The following BTBD7 variants were observed in gnomAD, a reference collection of about 807,000 sequenced individuals.
BTBD7 encodes the protein BTB/POZ domain-containing protein 7.
Under a neutral mutation model 99.9 loss-of-function variants are expected in BTBD7, and 38 were observed. The ratio of observed to expected loss-of-function variants is 0.38; its 90% CI spans 0.29 to 0.50. The LOEUF (loss-of-function observed/expected upper bound fraction) is 0.50, where lower values mean the gene tolerates loss of function less well. BTBD7 is among the 20% of genes least tolerant of loss of function. BTBD7 has a pLI of 0.93. For synonymous variants in BTBD7, 520 were observed against 511.4 expected (o/e 1.02, Z -0.23); for missense variants, 1,170 against 1,394.6 (o/e 0.84, Z 2.57).
At chr14:93,276,610 G>T (rs1192906109) in intron 3 of BTBD7, among the ~76,000 whole-genome samples, 2 of 152,170 alleles carry the variant, frequency 1.3e-5, no homozygotes, top group Non-Finnish European at 2.9e-5. Context: ...GTGAATACTG[G>T]AAATGAGAAG....
intron 1 of BTBD7, among the ~76,000 whole-genome samples, chr14:93,314,208 G>T (rs1420579691): frequency 6.6e-6 from 1 of 152,158 alleles, no homozygotes; most frequent in Non-Finnish European, 1.5e-5. Context: ...CAAACCCAGA[G>T]TAGTCAGTAG....
At chr14:93,266,531 A>G (rs1412644511) in intron 3 of BTBD7, among the ~76,000 whole-genome samples, 1 of 152,352 alleles carries the variant, frequency 6.6e-6, no homozygotes, top group East Asian at 1.9e-4. Context: ...CCTAGGAAAC[A>G]GACAGATGTT....
intron 10 of BTBD7, chr14:93,244,160 C>G (rs1267601509): frequency 2.2e-6 from 1 of 458,044 alleles, no homozygotes; most frequent in Non-Finnish European, 4.3e-6. Context: ...GGTGGGCAGA[C>G]TAGGCTGATT....
intron 3 of BTBD7, among the ~76,000 whole-genome samples, chr14:93,281,980 A>G (rs944819531): frequency 2.6e-5 from 4 of 152,224 alleles, no homozygotes; most frequent in Non-Finnish European, 5.9e-5. Context: ...GTATACATGA[A>G]GCTTGATCAC....
chr14:93,294,451 A>G lies in BTBD7; in HGVS notation c.569T>C (p.Ile190Thr), dbSNP rs2052898820. Residue 190 changes from isoleucine (I) to threonine (T), a missense_variant, in exon 3 of 11, where the codon ATT becomes ACT. Around this residue, in one of 4 missense-constraint regions of BTBD7, gnomAD observed 359 missense variants for 497.9 expected, o/e 0.72. Coordinates refer to ENST00000334746, the MANE Select transcript of BTBD7 (RefSeq NM_001002860.4). ...CAAAGCAGAAAACATGGGCATATCA[A>G]TACCAGCTGTATTGATGTCCATTAT... is the stretch of plus-strand genomic sequence containing the variant. ...EIIMDINTAG[I>T]DMPMFSALLH... The G allele has an allele frequency of 6.2e-7, 1 of 1,614,068 alleles. No homozygotes were observed. Among genetic ancestry groups the G allele is most frequent in the Admixed American group, 1.7e-5 (1 of 59,996 alleles).
chr14:93,300,701 AATTTGT>A (rs1322312729), intron 1 of BTBD7, among the ~76,000 whole-genome samples: 3 of 123,020 alleles, frequency 2.4e-5, no homozygotes, highest in Non-Finnish European at 5.1e-5. Context: ...ATGCCCAGCT[AATTTGT>A]GTGTGTGTGT....
intron 1 of BTBD7, among the ~76,000 whole-genome samples, chr14:93,314,361 A>T (rs1433132971): frequency 6.6e-6 from 1 of 152,194 alleles, no homozygotes; most frequent in Non-Finnish European, 1.5e-5. Context: ...AATTTACACT[A>T]AATCCTAAAA....
intron 1 of BTBD7, among the ~76,000 whole-genome samples, chr14:93,316,912 CG>C (rs2053213761): frequency 6.6e-6 from 1 of 152,064 alleles, no homozygotes; most frequent in Non-Finnish European, 1.5e-5. Context: ...GGAAAAAAAA[CG>C]TGAGATGAGG....
chr14:93,283,270 G>A (rs1177298210), intron 3 of BTBD7, among the ~76,000 whole-genome samples: 1 of 152,080 alleles, frequency 6.6e-6, no homozygotes, highest in African/African-American at 2.4e-5. Context: ...TTAGAGACGT[G>A]GTTTTGCCAT....
In BTBD7 at chr14:93,289,953, T is replaced by C. The variant is rs1311403212; in HGVS notation, c.1162+3905A>G. On this transcript the variant is annotated intron_variant, in intron 3 of 10. Transcript: ENST00000334746. ...CTTACTGCAACCTCTGCCTCCTAGG[T>C]TTAAGCAATTATTGTGCCTCAGCCT... Among the ~76,000 whole-genome samples, 5 of 149,418 alleles carry C rather than the reference T, an allele frequency of 3.3e-5. No homozygotes were observed. In the East Asian group the frequency reaches 1.0e-3, roughly 30 times the overall value.
intron 1 of BTBD7, among the ~76,000 whole-genome samples, chr14:93,317,048 TAAGA>T (rs2053215531): frequency 6.6e-6 from 1 of 152,176 alleles, no homozygotes; most frequent in Non-Finnish European, 1.5e-5. Flanking sequence ...GAAACCTTCA[TAAGA>T]AAGAGTGCAG....
chr14:93,277,470 T>C (rs929151183), intron 3 of BTBD7, among the ~76,000 whole-genome samples: 9 of 152,196 alleles, frequency 5.9e-5, no homozygotes, highest in African/African-American at 1.9e-4. Context: ...CACATTCTTA[T>C]ATGCAGGCAT....
chr14:93,238,760 C>T lies in BTBD7; in HGVS notation c.*3513G>A, dbSNP rs1341492255. 6.6e-6 allele frequency: 1 copy of T among 152,176 alleles called. No individual in the cohort carries two copies. The highest frequency in any genetic ancestry group is 1.5e-5 in the Non-Finnish European group (1 of 68,036). The allele number at this position is 152,176 out of a possible 1,614,324, so 9.4% of individuals were successfully genotyped here. On this transcript the variant is annotated 3_prime_UTR_variant, in exon 11 of 11. Transcript: ENST00000334746. ...TGATGCATGGAGGTCGGCTTTGAGCCCCACTGCCGCTGGCGCGTGTTTCCA... is the reference window on the plus strand; with the variant it reads ...TGATGCATGGAGGTCGGCTTTGAGCTCCACTGCCGCTGGCGCGTGTTTCCA...
chr14:93,309,366 T>C (rs1287474538), intron 1 of BTBD7, among the ~76,000 whole-genome samples: 1 of 145,724 alleles, frequency 6.9e-6, no homozygotes, highest in African/African-American at 2.6e-5. Context: ...GAGGCCAAGG[T>C]GTGTGGCCTA....
chr14:93,324,028 T>C (rs1169306641), intron 1 of BTBD7, among the ~76,000 whole-genome samples: 1 of 152,156 alleles, frequency 6.6e-6, no homozygotes, highest in Non-Finnish European at 1.5e-5. Flanking sequence ...CAATAAAGAA[T>C]AGAAGTGTAA....
chr14:93,290,268 A>G (rs1210964268), intron 3 of BTBD7, among the ~76,000 whole-genome samples: 2 of 150,698 alleles, frequency 1.3e-5, no homozygotes, highest in Non-Finnish European at 2.9e-5. Context: ...GTTGGAGTGC[A>G]GTGGTGCGAT....
chr14:93,294,581 T>C lies in BTBD7; in HGVS notation c.439A>G (p.Ile147Val). Reference protein sequence around the residue: ...EYKYCTDVDLIFQETCFPVHR... With the variant: ...EYKYCTDVDLVFQETCFPVHR... Reference sequence around the variant, plus strand: ...ACAGGAAAACAAGTTTCTTGAAATATTAAGTCTACATCAGTACAATACTTG... The same window carrying C: ...ACAGGAAAACAAGTTTCTTGAAATACTAAGTCTACATCAGTACAATACTTG... Residue 147 changes from isoleucine (I) to valine (V), a missense_variant, in exon 3 of 11, where the codon ATA becomes GTA. Physicochemically the swap from Ile to Val is conservative, Grantham distance 29. Transcript: ENST00000334746. 14 of 1,613,944 alleles carry C rather than the reference T, an allele frequency of 8.7e-6. No homozygotes were observed. Among genetic ancestry groups the C allele is most frequent in the Non-Finnish European group, 1.2e-5 (14 of 1,179,992 alleles).
At chr14:93,283,275 T>G (rs1322548939) in intron 3 of BTBD7, among the ~76,000 whole-genome samples, 1 of 152,162 alleles carries the variant, frequency 6.6e-6, no homozygotes, top group Non-Finnish European at 1.5e-5. Context: ...GACGTGGTTT[T>G]GCCATGTTGC....
At chr14:93,310,888 T>C (rs1228663564) in intron 1 of BTBD7, among the ~76,000 whole-genome samples, 2 of 147,784 alleles carry the variant, frequency 1.4e-5, no homozygotes, top group African/African-American at 2.5e-5. Context: ...CAGTTATCAA[T>C]GATCACCAAC....
Sources: gnomAD v4.1 joint callset for allele counts (sites outside exome capture counted in the v4.1 genomes callset) on GRCh38, gnomAD v4.1.1 for gene constraint, gnomAD v4.1.1 regional missense constraint, MANE v1.5 for transcripts, NCBI Gene and HGNC (gene_info 2026-07-23, HGNC 2026-07-21) for gene names.